CXorf58: variants seen among roughly 807,000 people sequenced by gnomAD.
CXorf58 encodes uncharacterized protein CXorf58.
Under a neutral mutation model 26.0 loss-of-function variants are expected in CXorf58, and 24 were observed. The observed-to-expected ratio is 0.92, with a 90% confidence interval of 0.67 to 1.30. The LOEUF (loss-of-function observed/expected upper bound fraction) is 1.30. Ranked by LOEUF, CXorf58 falls within the 50% of genes most tolerant of loss-of-function variation. CXorf58 has a pLI of 0.00. For missense variants in CXorf58, 236 were observed against 263.9 expected, an observed-to-expected ratio of 0.89 and a Z score of 0.73; for synonymous variants, 87 against 86.1, an observed-to-expected ratio of 1.01 and a Z score of -0.06.
chrX:23,911,912 C>A, intron 3 of CXorf58, 56 bp downstream of exon 3: 31 of 761,251 alleles, frequency 4.1e-5, no homozygotes, highest in Non-Finnish European at 5.7e-5. Flanking sequence ...GCTAAAAGAT[C>A]TATTAATTAA....
chrX:23,937,376 T>C (rs1001128296), intron 7 of CXorf58, among the ~76,000 whole-genome samples: 3 of 111,117 alleles, frequency 2.7e-5, no homozygotes, highest in African/African-American at 9.8e-5. Context: ...CTCGGGCACT[T>C]TTGACCTCCC....
At chrX:23,914,563 C>T (rs1927670445) in intron 3 of CXorf58, among the ~76,000 whole-genome samples, 1 of 111,781 alleles carries the variant, frequency 8.9e-6, no homozygotes, top group South Asian at 3.7e-4. Flanking sequence ...GAGCCTCAGC[C>T]TTCTCATCTG....
intron 6 of CXorf58, among the ~76,000 whole-genome samples, chrX:23,928,944 A>C (rs774040574): frequency 8.9e-6 from 1 of 112,114 alleles, no homozygotes; most frequent in East Asian, 2.8e-4. Flanking sequence ...TGAGGAAGTC[A>C]TGTCAAAAGC....
At chrX:23,911,122 T>G (rs1350833418) in intron 2 of CXorf58, among the ~76,000 whole-genome samples, 2 of 110,785 alleles carry the variant, frequency 1.8e-5, no homozygotes, top group African/African-American at 3.3e-5. Context: ...ATGGGTAGCA[T>G]TATGCAGGAG....
chrX:23,937,632 T>C (rs1189167661), intron 7 of CXorf58, among the ~76,000 whole-genome samples: 3 of 109,733 alleles, frequency 2.7e-5, no homozygotes, highest in Non-Finnish European at 5.7e-5. Flanking sequence ...TCCATGCTGG[T>C]CAGGCTGGTC....
At chrX:23,931,046 A>G (rs1023667373) in intron 6 of CXorf58, among the ~76,000 whole-genome samples, 1 of 112,251 alleles carries the variant, frequency 8.9e-6, no homozygotes, top group Non-Finnish European at 1.9e-5. Context: ...CTTTATTACC[A>G]TGGTCTGCAA....
At chrX:23,931,020 C>G (rs1285281720) in intron 6 of CXorf58, among the ~76,000 whole-genome samples, 1 of 111,904 alleles carries the variant, frequency 8.9e-6, no homozygotes, top group Non-Finnish European at 1.9e-5. Context: ...TAGCATGACT[C>G]TATTTGTGAT....
rs192323324 is a variant in CXorf58 at position 23,933,973 on chromosome X, G to A, written c.556-1223G>A. Among the ~76,000 whole-genome samples the A allele has an allele frequency of 5.5e-5, 6 of 108,498 alleles. No homozygotes were observed. The East Asian group carries it at 1.2e-3, about 21-fold the overall frequency. The allele number at this position is 108,498 out of a possible 115,157, so 94.2% of individuals were successfully genotyped here. A position where few individuals can be genotyped will look rare whatever the true frequency, so the allele number is the denominator to read the frequency against. The stretch of plus-strand genomic sequence containing the variant: ...CACTGGAGCCCAGGAGGTTGAGGCC[G>A]CTAGCCATGATCATGTCACTGCCCT... On this transcript the variant is annotated intron_variant, in intron 6 of 8. Coordinates refer to ENST00000379211, the MANE Select transcript of CXorf58 (RefSeq NM_152761.3).
intron 5 of CXorf58, 70 bp downstream of exon 5, chrX:23,916,398 T>C: frequency 1.5e-6 from 1 of 656,791 alleles, no homozygotes; most frequent in Non-Finnish European, 2.4e-6. Flanking sequence ...TGAATTGCAT[T>C]CAAATTATAC....
intron 1 of CXorf58, among the ~76,000 whole-genome samples, chrX:23,909,764 G>A (rs1320963251): frequency 8.9e-6 from 1 of 112,160 alleles, no homozygotes; most frequent in Non-Finnish European, 1.9e-5. Flanking sequence ...CAGAAATTTA[G>A]TGTATACCCT....
intron 5 of CXorf58, among the ~76,000 whole-genome samples, chrX:23,918,540 G>A (rs1173613638): frequency 8.9e-6 from 1 of 111,740 alleles, no homozygotes; most frequent in Admixed American, 9.6e-5. Context: ...TCTATGTCTT[G>A]AAAAGTTATT....
chrX:23,920,376 C>A (rs1478627456), intron 5 of CXorf58, among the ~76,000 whole-genome samples: 1 of 111,932 alleles, frequency 8.9e-6, no homozygotes, highest in East Asian at 2.8e-4. Context: ...TTTCTGTAAC[C>A]CTGGCAAGAT....
Position 23,927,373 on chromosome X carries a change from A to G in CXorf58, c.555+3A>G, listed in dbSNP as rs1928041343. On this transcript the variant is annotated splice_donor_region_variant and intron_variant, in intron 6 of 8. Coordinates refer to ENST00000379211, the MANE Select transcript of CXorf58 (RefSeq NM_152761.3). ...TCACCATGCAAGATTATGTACAAGT[A>G]AGGAATTTAGATTTAGAAAAACAAA... is the stretch of plus-strand genomic sequence containing the variant. The G allele has an allele frequency of 8.8e-7, 1 of 1,131,713 alleles. No individual in the cohort carries two copies. Among genetic ancestry groups the G allele is most frequent in the Non-Finnish European group, 1.2e-6 (1 of 852,995 alleles). 93.3% of individuals were successfully genotyped at this position (1,131,713 alleles called of 1,213,427 possible).
upstream of CXorf58, chrX:23,907,967 G>A: frequency 3.2e-6 from 1 of 308,045 alleles, no homozygotes; most frequent in Non-Finnish European, 5.6e-6. Context: ...CCGCCCCTGC[G>A]CCGGCGGTTG....
At chrX:23,935,878 T>G (rs751076686) in intron 7 of CXorf58, among the ~76,000 whole-genome samples, 1 of 110,307 alleles carries the variant, frequency 9.1e-6, no homozygotes, top group East Asian at 2.9e-4. Flanking sequence ...GTTCAAGCGA[T>G]TCTCCTGCCT....
At chrX:23,916,380 A>G (rs750052878) in intron 5 of CXorf58, 52 bp downstream of exon 5, 18 of 751,027 alleles carry the variant, frequency 2.4e-5, no homozygotes, top group Non-Finnish European at 3.4e-5. Context: ...TAACATCTAC[A>G]TAGTATCTGA....
intron 4 of CXorf58, 68 bp downstream of exon 4, chrX:23,915,862 T>G: frequency 1.6e-6 from 1 of 613,227 alleles, no homozygotes. Flanking sequence ...AGATATGGAT[T>G]TTTTAAATTC....
intron 5 of CXorf58, among the ~76,000 whole-genome samples, chrX:23,924,544 A>T (rs1370460648): frequency 9.1e-6 from 1 of 109,425 alleles, no homozygotes; most frequent in Non-Finnish European, 1.9e-5. Context: ...GCTGGAATCG[A>T]ACCCCTGACC....
At chrX:23,916,483 T>G in intron 5 of CXorf58, 155 bp downstream of exon 5, 2 of 301,584 alleles carry the variant, frequency 6.6e-6, no homozygotes, top group Non-Finnish European at 1.1e-5. Context: ...TGTTTCAAAG[T>G]GTCTCCACTT....
Sources: allele counts gnomAD v4.1 joint callset (sites outside exome capture counted in the v4.1 genomes callset), GRCh38; gene constraint gnomAD v4.1.1; transcripts MANE v1.5; gene names NCBI Gene and HGNC (gene_info 2026-07-23, HGNC 2026-07-21).